The following SLC17A5 variants were observed in gnomAD, a reference collection of about 807,000 sequenced individuals.
SLC17A5 encodes the protein sialin.
Under a neutral mutation model 59.4 loss-of-function variants are expected in SLC17A5, and 47 were observed. The observed-to-expected ratio is 0.79, with a 90% CI of 0.63 to 1.01. The LOEUF (loss-of-function observed/expected upper bound fraction) is 1.01, where lower values mean the gene tolerates loss of function less well. Ranked by LOEUF, SLC17A5 falls within the 50% of genes least tolerant of loss-of-function variation. SLC17A5 has a pLI of 0.00. For synonymous variants in SLC17A5, 202 were observed against 210.7 expected, an observed-to-expected ratio of 0.96 and a Z score of 0.36; for missense variants, 522 against 595.5, an observed-to-expected ratio of 0.88 and a Z score of 1.28.
At chr6:73,608,613 T>A (rs472300) in intron 9 of SLC17A5, among the ~76,000 whole-genome samples, 1 of 152,130 alleles carries the variant, frequency 6.6e-6, no homozygotes, top group Non-Finnish European at 1.5e-5. Flanking sequence ...AGAATTTCTA[T>A]ACTTCAACTA....
At position 73,653,920 on chromosome 6, in the gene SLC17A5, G is replaced by A; in HGVS notation, c.-34C>T. 1.3e-6 allele frequency: 2 copies of A among 1,551,412 alleles called. No homozygotes were observed. The highest frequency in any genetic ancestry group is 1.7e-4 in the Middle Eastern group (1 of 5,884). The stretch of plus-strand genomic sequence containing the variant: ...CGTGAGCAGGTGTACTCGCCACCTG[G>A]CAGAGAAGGGAGCGCCGGCCCGACA... On this transcript the variant is annotated 5_prime_UTR_variant, in exon 1 of 11. Coordinates refer to ENST00000355773, the MANE Select transcript of SLC17A5 (RefSeq NM_012434.5).
intron 3 of SLC17A5, 113 bp downstream of exon 3, chr6:73,641,578 G>C (rs1769286304): frequency 1.3e-6 from 1 of 795,376 alleles, no homozygotes; most frequent in African/African-American, 1.7e-5. Context: ...ATAAACCCCT[G>C]TTATCATCCA....
intron 1 of SLC17A5, among the ~76,000 whole-genome samples, chr6:73,651,812 C>G (rs918673284): frequency 6.6e-6 from 1 of 152,218 alleles, no homozygotes; most frequent in African/African-American, 2.4e-5. Context: ...CTCGGCCTCC[C>G]AAAGTGAGTA....
intron 7 of SLC17A5, 84 bp from the exon 8 acceptor site, chr6:73,615,531 A>G (rs561936110): frequency 1.5e-6 from 2 of 1,374,240 alleles, no homozygotes; most frequent in Admixed American, 3.6e-5. Flanking sequence ...AATGACCACC[A>G]CTTGAAAGCA....
intron 9 of SLC17A5, among the ~76,000 whole-genome samples, chr6:73,609,048 A>C (rs1399448909): frequency 6.6e-6 from 1 of 152,208 alleles, no homozygotes; most frequent in Non-Finnish European, 1.5e-5. Flanking sequence ...TAGGAGACTG[A>C]GGATTCATAG....
chr6:73,624,927 T>G (rs1386069152), intron 6 of SLC17A5, among the ~76,000 whole-genome samples: 2 of 152,138 alleles, frequency 1.3e-5, no homozygotes, highest in Non-Finnish European at 2.9e-5. Context: ...ACCTGTTTAT[T>G]GATTCTTGCA....
At chr6:73,600,278 A>T in intron 10 of SLC17A5, 73 bp downstream of exon 10, 2 of 1,144,022 alleles carry the variant, frequency 1.7e-6, no homozygotes, top group Non-Finnish European at 2.6e-6. Flanking sequence ...AAACTTAATT[A>T]AAATACACTG....
intron 4 of SLC17A5, 50 bp downstream of exon 4, chr6:73,638,362 T>C: frequency 7.4e-7 from 1 of 1,358,742 alleles, no homozygotes; most frequent in Non-Finnish European, 1.0e-6. Context: ...TTCCCAAAGG[T>C]TGATATATAC....
chr6:73,620,722 AT>A (rs111877603), intron 7 of SLC17A5, among the ~76,000 whole-genome samples: 4,033 of 141,210 alleles, frequency 0.029, 146 homozygotes, highest in African/African-American at 0.089. Context: ...CCTTGTTAGC[AT>A]TTTTTTTTTT....
chr6:73,616,253 A>G (rs570638224), intron 7 of SLC17A5, among the ~76,000 whole-genome samples: 8 of 152,186 alleles, frequency 5.3e-5, no homozygotes, highest in African/African-American at 1.7e-4. Flanking sequence ...AAGACACTTC[A>G]TGGTCCTAGT....
intron 7 of SLC17A5, among the ~76,000 whole-genome samples, chr6:73,616,607 CTTTT>C (rs767486363): frequency 7.2e-6 from 1 of 138,718 alleles, no homozygotes; most frequent in Non-Finnish European, 1.6e-5. Flanking sequence ...ACTGGAGAGT[CTTTT>C]TTTTTTTTTT....
rs533840985 is a variant in SLC17A5, at chr6:73,651,803, TCGGCCTCC to T, written c.94+1982_94+1989del. Among the ~76,000 whole-genome samples, 14 of 152,302 alleles carry T rather than the reference TCGGCCTCC, an allele frequency of 9.2e-5. No homozygotes were observed. The East Asian group carries it at 1.6e-3, about 17-fold the overall frequency. On this transcript the variant is annotated intron_variant, in intron 1 of 10. Transcript: ENST00000355773. ...GCTGACCTCAGGTGATCCGCCCGCC[TCGGCCTCC>T]CAAAGTGAGTAAGCATTATTTTTAT... is the stretch of plus-strand genomic sequence containing the variant.
At chr6:73,653,641 TC>T in intron 1 of SLC17A5, 151 bp downstream of exon 1, 1 of 974,416 alleles carries the variant, frequency 1.0e-6, no homozygotes. Flanking sequence ...TGAGCGGCAC[TC>T]TGAACGGGCT....
chr6:73,598,746 A>C lies in SLC17A5; in HGVS notation c.1350+1605T>G, dbSNP rs891728682. On this transcript the variant is annotated intron_variant, in intron 10 of 10. Coordinates refer to ENST00000355773, the MANE Select transcript of SLC17A5 (RefSeq NM_012434.5). ...AGTGGCTCACTCCTGTAATCCCAGC[A>C]CTTTGGGAGGCCGAGATGGGCGGAT... Among the ~76,000 whole-genome samples the C allele has an allele frequency of 3.3e-5, 5 of 152,206 alleles. No homozygotes were observed. In the East Asian group the frequency reaches 9.7e-4, roughly 29 times the overall value.
In SLC17A5 at chr6:73,635,395, G is replaced by A; in HGVS notation, c.806C>T (p.Ser269Leu). ...CAAAGTCCATACCTGATTTCTTAAT[G>A]ATGAAAGAATGTATTCCTTTTCATA... ...SHYEKEYILS[S>L]LRNQLSSQKS... is the part of the protein sequence containing the mutation. The change falls in exon 6 of 11, where the codon TCA (serine) becomes TTA (leucine). Residue 269 changes from serine to leucine, a missense_variant. Physicochemically the swap from Ser to Leu is moderately radical, Grantham distance 145 (BLOSUM62 -2). Coordinates refer to ENST00000355773, the MANE Select transcript of SLC17A5 (RefSeq NM_012434.5). 1 of 1,557,452 alleles carries A rather than the reference G, an allele frequency of 6.4e-7. No homozygotes were observed. Among genetic ancestry groups the A allele is most frequent in the Non-Finnish European group, 8.8e-7 (1 of 1,130,420 alleles).
At chr6:73,637,313 G>C (rs1166274899) in intron 4 of SLC17A5, among the ~76,000 whole-genome samples, 1 of 152,072 alleles carries the variant, frequency 6.6e-6, no homozygotes, top group East Asian at 1.9e-4. Context: ...GAGATATAAG[G>C]CTAGCTGCAA....
At chr6:73,613,707 C>A (rs1767730412) in intron 8 of SLC17A5, among the ~76,000 whole-genome samples, 1 of 152,094 alleles carries the variant, frequency 6.6e-6, no homozygotes, top group African/African-American at 2.4e-5. Flanking sequence ...CAAAAAGAAA[C>A]ATATTGTAAA....
chr6:73,643,631 C>T (rs1769402875), intron 2 of SLC17A5, among the ~76,000 whole-genome samples: 2 of 151,974 alleles, frequency 1.3e-5, no homozygotes, highest in Non-Finnish European at 2.9e-5. Context: ...TGTGTGCTAC[C>T]ACGCCCAGCT....
Position 73,621,890 on chromosome 6 carries a change from G to A in SLC17A5, c.892C>T (p.His298Tyr). Reference protein sequence around the residue: ...SLPLWAIVVAHFSYNWTFYTL... With the variant: ...SLPLWAIVVAYFSYNWTFYTL... ...TAAAAAGTCCAGTTGTAAGAAAAGT[G>A]TGCAACTACGATAGCCCAAAGTGGC... The change falls in exon 7 of 11, where the codon CAC (histidine) becomes TAC (tyrosine). Residue 298 changes from histidine (H) to tyrosine (Y), a missense_variant. Coordinates refer to ENST00000355773, the MANE Select transcript of SLC17A5 (RefSeq NM_012434.5). The A allele has an allele frequency of 3.7e-6, 6 of 1,613,570 alleles. No homozygotes were observed. The highest frequency in any genetic ancestry group is 5.1e-6 in the Non-Finnish European group (6 of 1,179,542).
Sources: gnomAD v4.1 joint callset for allele counts (sites outside exome capture counted in the v4.1 genomes callset) on GRCh38, gnomAD v4.1.1 for gene constraint, MANE v1.5 for transcripts, NCBI Gene and HGNC (gene_info 2026-07-23, HGNC 2026-07-21) for gene names.